SC5D: variants seen among roughly 807,000 people sequenced by gnomAD.
SC5D encodes the protein sterol-C5-desaturase, also known as lathosterol oxidase.
SC5D carries 21 observed loss-of-function variants against 23.9 expected under a neutral mutation model. That is an observed-to-expected ratio of 0.88 (90% CI 0.62 to 1.26). The LOEUF (loss-of-function observed/expected upper bound fraction) is 1.26. SC5D is among the 50% of genes most tolerant of loss of function. The pLI, the probability that SC5D is intolerant of heterozygous loss-of-function variation, is 0.00. For missense variants in SC5D, 309 were observed against 364.8 expected (o/e 0.85, Z 1.25); for synonymous variants, 113 against 125.9 (o/e 0.90, Z 0.68).
At chr11:121,296,401 C>A (rs1449432302) in intron 1 of SC5D, among the ~76,000 whole-genome samples, 6 of 152,208 alleles carry the variant, frequency 3.9e-5, no homozygotes, top group Admixed American at 3.9e-4. Flanking sequence ...ACCCACCAAC[C>A]ACACGCAGTG....
intron 1 of SC5D, among the ~76,000 whole-genome samples, chr11:121,293,448 A>G (rs1947866298): frequency 6.6e-6 from 1 of 152,334 alleles, no homozygotes; most frequent in Non-Finnish European, 1.5e-5. Context: ...CTGCGGCGTA[A>G]TTAGAATGAA....
In SC5D at chr11:121,307,423, G is replaced by T; in HGVS notation, c.811G>T (p.Glu271Ter). 6.2e-7 allele frequency: 1 copy of T among 1,611,840 alleles called. No homozygotes were observed. The change falls in exon 5 of 5, where the codon GAG becomes TAG. Residue 271 changes from glutamate (E) to a stop codon, truncating the protein, a stop_gained. Coordinates refer to ENST00000264027, the MANE Select transcript of SC5D (RefSeq NM_006918.5). LOFTEE classifies it low-confidence loss of function (END_TRUNC). Reference protein sequence around the residue: ...EGKGPLSYVKEMTEGKRSSHS... With the variant: ...EGKGPLSYVK The stretch of plus-strand genomic sequence containing the variant: ...GAAGGGACCGCTCAGTTATGTGAAG[G>T]AGATGACAGAGGGAAAGCGCAGCAG...
chr11:121,304,833 T>A (rs1281346630), intron 3 of SC5D: 1 of 276,558 alleles, frequency 3.6e-6, no homozygotes, highest in Non-Finnish European at 7.1e-6. Context: ...AAAACAGATT[T>A]TTAAAATGCA....
In SC5D at chr11:121,310,259, A is replaced by T. The variant is rs1272203527; in HGVS notation, c.*2747A>T. Among the ~76,000 whole-genome samples the T allele has an allele frequency of 6.6e-6, 1 of 152,216 alleles. No homozygotes were observed. Among genetic ancestry groups the T allele is most frequent in the Non-Finnish European group, 1.5e-5 (1 of 68,040 alleles). The stretch of plus-strand genomic sequence containing the variant: ...AGATTGTCACAGCATGAAAAAAGAT[A>T]TTCAAAGACACTAACCAACTTGAGG... On this transcript the variant is annotated 3_prime_UTR_variant, in exon 5 of 5. Transcript: ENST00000264027.
intron 3 of SC5D, chr11:121,304,920 T>G (rs1331737998): frequency 4.9e-6 from 1 of 203,806 alleles, no homozygotes; most frequent in East Asian, 1.3e-4. Context: ...CTTCATTGTT[T>G]ACATTACACA....
At chr11:121,295,948 C>T (rs747741891) in intron 1 of SC5D, among the ~76,000 whole-genome samples, 3 of 152,150 alleles carry the variant, frequency 2.0e-5, no homozygotes, top group South Asian at 4.1e-4. Flanking sequence ...AGCCACTGCC[C>T]GAGGTCAGGC....
Position 121,304,373 on chromosome 11 carries a change from C to T in SC5D, c.223C>T (p.Arg75Ter), listed in dbSNP as rs1313359281. The T allele has an allele frequency of 1.2e-6, 2 of 1,613,308 alleles. No individual in the cohort carries two copies. The highest frequency in any genetic ancestry group is 1.7e-6 in the Non-Finnish European group (2 of 1,179,450). ...ATTTCACTTTCAGAATCAAGTCCGTCGAGAGATTAAGTTTACTGTCCAGGC... is the reference window on the plus strand; with the variant it reads ...ATTTCACTTTCAGAATCAAGTCCGTTGAGAGATTAAGTTTACTGTCCAGGC... ...HPQFLKNQVR[R>*]EIKFTVQALP... The change falls in exon 3 of 5, where the codon CGA (arginine) becomes TGA (stop). Residue 75 changes from arginine (R) to a stop codon, truncating the protein, a stop_gained. Transcript: ENST00000264027. LOFTEE classifies it high-confidence loss of function.
chr11:121,306,342 A>C, intron 3 of SC5D, 44 bp from the exon 4 acceptor site: 2 of 971,414 alleles, frequency 2.1e-6, no homozygotes, highest in Non-Finnish European at 1.7e-6. Flanking sequence ...CTCTAATCCC[A>C]GGAGCTGAGT....
chr11:121,297,010 T>C (rs1013581885), intron 1 of SC5D, among the ~76,000 whole-genome samples: 3 of 152,228 alleles, frequency 2.0e-5, no homozygotes, highest in African/African-American at 2.4e-5. Context: ...TGCTCAACTT[T>C]ACTCATAATA....
chr11:121,298,363 G>C (rs1470793706), intron 1 of SC5D, among the ~76,000 whole-genome samples: 1 of 152,140 alleles, frequency 6.6e-6, no homozygotes, highest in Non-Finnish European at 1.5e-5. Flanking sequence ...GCACAGTTAA[G>C]GGAGGCCTAG....
rs547518487 is a variant in SC5D, at chr11:121,309,934, A to T, written c.*2422A>T. The stretch of plus-strand genomic sequence containing the variant: ...GTGGTAGAAATTGAGAAGTGGGTGG[A>T]TATGGTTCGAGAAGACCTTTCAGAA... On this transcript the variant is annotated 3_prime_UTR_variant, in exon 5 of 5. Transcript: ENST00000264027. 1.5e-4 allele frequency among the ~76,000 whole-genome samples: 23 copies of T among 152,270 alleles called. No homozygotes were observed. Among genetic ancestry groups the T allele is most frequent in the African/African-American group, 5.5e-4 (23 of 41,540 alleles).
rs181930846 is a variant in SC5D at position 121,294,663 on chromosome 11, G to A, written c.-11+1847G>A. ...AAGTAATTTTGACGCATTTTTGACGGCCTTAACAGTGATAATCATATAGAT... is the reference window on the plus strand; with the variant it reads ...AAGTAATTTTGACGCATTTTTGACGACCTTAACAGTGATAATCATATAGAT... On this transcript the variant is annotated intron_variant, in intron 1 of 4. Coordinates refer to ENST00000264027, the MANE Select transcript of SC5D (RefSeq NM_006918.5). Among the ~76,000 whole-genome samples the A allele has an allele frequency of 9.7e-4, 147 of 152,226 alleles. 1 individual carries two copies. The highest frequency in any genetic ancestry group is 6.8e-3 in the Middle Eastern group (2 of 294).
In SC5D at chr11:121,310,836, C is replaced by G. The variant is rs1463759527; in HGVS notation, c.*3324C>G. Among the ~76,000 whole-genome samples the G allele has an allele frequency of 6.6e-6, 1 of 152,148 alleles. No homozygotes were observed. Among genetic ancestry groups the G allele is most frequent in the East Asian group, 1.9e-4 (1 of 5,200 alleles). ...GCAGCAACTGGGGACTCAGCAGACACCAAACCAACTGGTGCTTAACCGTGA... is the reference window on the plus strand; with the variant it reads ...GCAGCAACTGGGGACTCAGCAGACAGCAAACCAACTGGTGCTTAACCGTGA... On this transcript the variant is annotated 3_prime_UTR_variant, in exon 5 of 5. Transcript: ENST00000264027.
Position 121,310,358 on chromosome 11 carries a change from G to A in SC5D, c.*2846G>A, listed in dbSNP as rs918034572. Reference sequence around the variant, plus strand: ...TTTGCCAGTGAGATAGTATGTAGAGGTGGGGCCTTGAGGAAGTGATTAAGT... The same window carrying A: ...TTTGCCAGTGAGATAGTATGTAGAGATGGGGCCTTGAGGAAGTGATTAAGT... On this transcript the variant is annotated 3_prime_UTR_variant, in exon 5 of 5. Transcript: ENST00000264027. Among the ~76,000 whole-genome samples, 3 of 152,124 alleles carry A rather than the reference G, an allele frequency of 2.0e-5. No individual in the cohort carries two copies. Among genetic ancestry groups the A allele is most frequent in the African/African-American group, 7.2e-5 (3 of 41,412 alleles).
intron 3 of SC5D, 111 bp downstream of exon 3, chr11:121,304,604 ATTCAGTTGTT>A: frequency 3.1e-6 from 3 of 956,726 alleles, no homozygotes; most frequent in Non-Finnish European, 4.9e-6. Context: ...ATTACAAATT[ATTCAGTTGTT>A]TTTTAATGTT....
chr11:121,306,260 C>T (rs912407454), intron 3 of SC5D, 126 bp from the exon 4 acceptor site: 1 of 697,014 alleles, frequency 1.4e-6, no homozygotes, highest in East Asian at 2.7e-5. Flanking sequence ...ACTGAATTAG[C>T]CAGAACAGAT....
Position 121,295,116 on chromosome 11 carries a change from C to T in SC5D, c.-11+2300C>T, listed in dbSNP as rs555104681. On this transcript the variant is annotated intron_variant, in intron 1 of 4. Transcript: ENST00000264027. ...TAGGTTTTAAGATCTACATTGAACC[C>T]GTTTTGAACCCCAGATATCTGAGAC... 4.6e-5 allele frequency among the ~76,000 whole-genome samples: 7 copies of T among 152,288 alleles called. No individual in the cohort carries two copies. The South Asian group carries it at 1.2e-3, about 27-fold the overall frequency.
At chr11:121,303,766 G>A in intron 2 of SC5D, 181 bp downstream of exon 2, 1 of 583,056 alleles carries the variant, frequency 1.7e-6, no homozygotes, top group Non-Finnish European at 3.0e-6. Context: ...CTTAGTTTAA[G>A]CAAATCTAAC....
At chr11:121,297,305 C>T (rs189930427) in intron 1 of SC5D, among the ~76,000 whole-genome samples, 25 of 151,258 alleles carry the variant, frequency 1.7e-4, no homozygotes, top group Admixed American at 1.1e-3. Context: ...GGAACCTATC[C>T]AAATATCTAG....
Sources: allele counts gnomAD v4.1 joint callset (sites outside exome capture counted in the v4.1 genomes callset), GRCh38; gene constraint gnomAD v4.1.1; transcripts MANE v1.5; gene names NCBI Gene and HGNC (gene_info 2026-07-23, HGNC 2026-07-21).